Variants in STX7 observed in about 807,000 individuals in gnomAD.
The protein encoded by STX7 is syntaxin-7.
Under a neutral mutation model 39.6 loss-of-function variants are expected in STX7, and 34 were observed. The observed-to-expected ratio is 0.86, with a 90% CI of 0.65 to 1.14. The LOEUF (loss-of-function observed/expected upper bound fraction) is 1.14. Ranked by LOEUF, STX7 falls within the 50% of genes most tolerant of loss-of-function variation. STX7 has a pLI of 0.00. For missense variants in STX7, 284 were observed against 310.4 expected, an observed-to-expected ratio of 0.92 and a Z score of 0.64; for synonymous variants, 119 against 99.1, an observed-to-expected ratio of 1.20 and a Z score of -1.19.
intron 7 of STX7, among the ~76,000 whole-genome samples, chr6:132,468,894 A>C (rs1343806753): frequency 6.6e-6 from 1 of 152,212 alleles, no homozygotes; most frequent in East Asian, 1.9e-4. Context: ...TGACAATTTA[A>C]AGTAATAAAA....
intron 2 of STX7, among the ~76,000 whole-genome samples, chr6:132,476,881 C>T (rs1007827223): frequency 6.1e-4 from 93 of 151,936 alleles, no homozygotes; most frequent in African/African-American, 2.2e-3. Flanking sequence ...ATAAATAAAA[C>T]GTCAAGTAGA....
intron 2 of STX7, among the ~76,000 whole-genome samples, chr6:132,492,700 TA>T (rs142099905): frequency 0.011 from 1,710 of 152,198 alleles, 23 homozygotes; most frequent in African/African-American, 0.038. Context: ...ACTCCAAACC[TA>T]AATTTTCTCA....
rs1007563005 is a variant in STX7 at position 132,458,411 on chromosome 6, C to T, written c.*2347G>A. The T allele has an allele frequency of 1.3e-5, 2 of 152,182 alleles. No individual in the cohort carries two copies. Among genetic ancestry groups the T allele is most frequent in the African/African-American group, 2.4e-5 (1 of 41,436 alleles). The allele number at this position is 152,182 out of a possible 1,614,324, so 9.4% of individuals were successfully genotyped here. ...TTGCAAAACCATAGTATTTAACGAC[C>T]AATAAACAGCCAAATACCTAATGCC... On this transcript the variant is annotated 3_prime_UTR_variant, in exon 10 of 10. Coordinates refer to ENST00000367941, the MANE Select transcript of STX7 (RefSeq NM_003569.3).
intron 3 of STX7, among the ~76,000 whole-genome samples, chr6:132,474,227 C>CAAAA (rs67939950): frequency 0.088 from 6,116 of 69,758 alleles, 609 homozygotes; most frequent in East Asian, 0.16. Flanking sequence ...GATCCTGTCT[C>CAAAA]AAAAAAAAAA....
In STX7 at chr6:132,457,040, C is replaced by T. The variant is rs1464167485; in HGVS notation, c.*3718G>A. The T allele has an allele frequency of 6.6e-6, 1 of 152,290 alleles. No individual in the cohort carries two copies. The highest frequency in any genetic ancestry group is 1.5e-5 in the Non-Finnish European group (1 of 68,076). 9.4% of individuals were successfully genotyped at this position (152,290 alleles called of 1,614,324 possible). A position where few individuals can be genotyped will look rare whatever the true frequency, so the allele number is the denominator to read the frequency against. The stretch of plus-strand genomic sequence containing the variant: ...GCTGGGGACAGCTCCCTGAGACACA[C>T]TGTCAGTGCTGCACGCCAACAGCAC... On this transcript the variant is annotated 3_prime_UTR_variant, in exon 10 of 10. Transcript: ENST00000367941.
At chr6:132,465,124 C>T (rs1281545787) in intron 8 of STX7, among the ~76,000 whole-genome samples, 1 of 152,106 alleles carries the variant, frequency 6.6e-6, no homozygotes, top group Non-Finnish European at 1.5e-5. Flanking sequence ...AACTGCTGAC[C>T]CTTCTAACAC....
chr6:132,502,505 G>A (rs975572424), intron 2 of STX7, among the ~76,000 whole-genome samples: 3 of 152,124 alleles, frequency 2.0e-5, no homozygotes, highest in African/African-American at 7.2e-5. Flanking sequence ...ACTCAAATCT[G>A]CTATAATGAT....
intron 1 of STX7, among the ~76,000 whole-genome samples, chr6:132,510,878 A>T (rs1775831000): frequency 6.6e-6 from 1 of 152,230 alleles, no homozygotes; most frequent in Non-Finnish European, 1.5e-5. Context: ...TTAATCTTGA[A>T]GTGTCAAACA....
At chr6:132,481,966 C>G (rs1332656759) in intron 2 of STX7, among the ~76,000 whole-genome samples, 2 of 152,142 alleles carry the variant, frequency 1.3e-5, no homozygotes, top group African/African-American at 4.8e-5. Flanking sequence ...CTGAAATGAT[C>G]AGAATACCTA....
intron 1 of STX7, among the ~76,000 whole-genome samples, chr6:132,506,499 T>C (rs77598667): frequency 0.016 from 2,503 of 152,172 alleles, 26 homozygotes; most frequent in African/African-American, 0.022. Context: ...ACATGAAAAA[T>C]GTTTAACATC....
At chr6:132,471,066 C>A (rs1294247779) in intron 5 of STX7, among the ~76,000 whole-genome samples, 1 of 152,048 alleles carries the variant, frequency 6.6e-6, no homozygotes, top group Non-Finnish European at 1.5e-5. Flanking sequence ...AATATTGATA[C>A]AACATACTTG....
intron 2 of STX7, among the ~76,000 whole-genome samples, chr6:132,486,814 C>T (rs1428458057): frequency 2.0e-5 from 3 of 151,646 alleles, no homozygotes; most frequent in Middle Eastern, 3.2e-3. Context: ...TACAGGTGCC[C>T]GCCACCATGC....
At chr6:132,507,974 A>G (rs1478601574) in intron 1 of STX7, among the ~76,000 whole-genome samples, 1 of 152,228 alleles carries the variant, frequency 6.6e-6, no homozygotes, top group Non-Finnish European at 1.5e-5. Flanking sequence ...GAACTCAGCC[A>G]TTGCCTGTGC....
At chr6:132,471,636 A>C (rs1774725969) in intron 4 of STX7, 36 bp from the exon 5 acceptor site, 6 of 1,600,682 alleles carry the variant, frequency 3.7e-6, no homozygotes, top group Non-Finnish European at 5.1e-6. Context: ...ACTAGAATCT[A>C]GCTGTGAAGT....
chr6:132,481,136 AGT>A (rs1192528624), intron 2 of STX7, among the ~76,000 whole-genome samples: 2 of 152,324 alleles, frequency 1.3e-5, no homozygotes, highest in East Asian at 1.9e-4. Flanking sequence ...GGATAGCAGC[AGT>A]GTGTCACGCA....
intron 2 of STX7, among the ~76,000 whole-genome samples, chr6:132,485,724 G>A (rs1342368155): frequency 1.3e-5 from 2 of 152,104 alleles, no homozygotes; most frequent in South Asian, 2.1e-4. Context: ...AGTGGTATCC[G>A]TGCTTTTAAT....
Position 132,472,303 on chromosome 6 carries a change from C to T in STX7, c.228G>A (p.Leu76=), listed in dbSNP as rs749602323. The part of the protein sequence containing the change: ...TDKYIKEFGS[L]PTTPSEQRQR... ...ATACCTGTTCACTGGGGGTGGTGGG[C>T]AGAGATCCAAACTCTTTAATGTACT... is the stretch of plus-strand genomic sequence containing the variant. Residue 76 remains leucine, a synonymous_variant, in exon 4 of 10, where the codon CTG becomes CTA. Coordinates refer to ENST00000367941, the MANE Select transcript of STX7 (RefSeq NM_003569.3). 6 of 1,613,022 alleles carry T rather than the reference C, an allele frequency of 3.7e-6. No homozygotes were observed. Among genetic ancestry groups the T allele is most frequent in the Non-Finnish European group, 4.2e-6 (5 of 1,179,664 alleles).
At chr6:132,483,009 A>G (rs1411266562) in intron 2 of STX7, among the ~76,000 whole-genome samples, 2 of 152,202 alleles carry the variant, frequency 1.3e-5, no homozygotes. Context: ...GAAAGTCTAA[A>G]AGAATCTGCC....
intron 2 of STX7, among the ~76,000 whole-genome samples, chr6:132,494,971 G>C (rs922835728): frequency 7.9e-5 from 12 of 152,172 alleles, no homozygotes; most frequent in Non-Finnish European, 1.6e-4. Context: ...GAGATGGAGA[G>C]ACACAGACAG....
Sources: allele counts gnomAD v4.1 joint callset (sites outside exome capture counted in the v4.1 genomes callset), GRCh38; gene constraint gnomAD v4.1.1; transcripts MANE v1.5; gene names NCBI Gene and HGNC (gene_info 2026-07-23, HGNC 2026-07-21).